Variants in SENP6 observed in about 807,000 individuals in gnomAD.
SENP6 encodes the protein sentrin-specific protease 6.
Under a neutral mutation model 134.5 loss-of-function variants are expected in SENP6, and 41 were observed. The observed-to-expected ratio is 0.30, with a 90% CI of 0.24 to 0.40. The LOEUF is 0.40. Ranked by LOEUF, SENP6 falls within the 10% of genes least tolerant of loss-of-function variation. The pLI, the probability that SENP6 is intolerant of heterozygous loss-of-function variation, is 1.00. For synonymous variants in SENP6, 395 were observed against 429.8 expected (o/e 0.92, Z 1.00); for missense variants, 1,248 against 1,312.5 (o/e 0.95, Z 0.76).
chr6:75,638,622 ATTTTTTT>A (rs57353168), intron 5 of SENP6, among the ~76,000 whole-genome samples: 29 of 29,874 alleles, frequency 9.7e-4, no homozygotes, highest in Admixed American at 1.7e-3. Context: ...ATATATATAT[ATTTTTTT>A]TTTTTTTTTT....
chr6:75,620,290 T>A (rs908605722), intron 1 of SENP6, among the ~76,000 whole-genome samples: 2 of 152,148 alleles, frequency 1.3e-5, no homozygotes, highest in African/African-American at 4.8e-5. Flanking sequence ...CTCTTATGAT[T>A]AGGGATTTCC....
intron 21 of SENP6, 59 bp from the exon 22 acceptor site, chr6:75,713,454 C>A: frequency 7.5e-7 from 1 of 1,341,888 alleles, no homozygotes; most frequent in South Asian, 1.2e-5. Context: ...CACTTTTAAT[C>A]CTTTTATGCA....
chr6:75,630,068 CT>C (rs35109678), intron 3 of SENP6, among the ~76,000 whole-genome samples: 13,987 of 139,358 alleles, frequency 0.1, 590 homozygotes, highest in Non-Finnish European at 0.11. Context: ...CTTGTGATAA[CT>C]TTTTTTTTTT....
rs775951261 is a variant in SENP6, at chr6:75,709,671, T to G, written c.2820+41T>G. ...TGGCAAAAAGTTCTAATGTTTTATC[T>G]AATTAAAAGTTTTTCTTGCTGAACA... On this transcript the variant is annotated intron_variant, in intron 20 of 23. Transcript: ENST00000447266. 2.1e-6 allele frequency: 3 copies of G among 1,463,346 alleles called. No homozygotes were observed. In the Admixed American group the frequency reaches 5.0e-5, roughly 25 times the overall value. The allele number at this position is 1,463,346 out of a possible 1,614,324, so 90.6% of individuals were successfully genotyped here. A position where few individuals can be genotyped will look rare whatever the true frequency, so the allele number is the denominator to read the frequency against.
chr6:75,607,172 C>A (rs975358561), intron 1 of SENP6, among the ~76,000 whole-genome samples: 1 of 151,970 alleles, frequency 6.6e-6, no homozygotes, highest in Non-Finnish European at 1.5e-5. Flanking sequence ...ACATAGTGAG[C>A]CCGTGTCTGT....
In SENP6 at chr6:75,602,550, G is replaced by C. The variant is rs202125150; in HGVS notation, c.26G>C (p.Ser9Thr). ...ATGGCGGCCGGCAAGAGCGGCGGTA[G>C]CGCAGGGGAGATTACTTTTCTGGAA... is the stretch of plus-strand genomic sequence containing the variant. MAAGKSGG[S>T]AGEITFLEAL... Residue 9 changes from serine to threonine, a missense_variant, in exon 1 of 24, where the codon AGC becomes ACC. Transcript: ENST00000447266. The C allele has an allele frequency of 9.0e-6, 14 of 1,551,484 alleles. No individual in the cohort carries two copies. The highest frequency in any genetic ancestry group is 5.5e-5 in the African/African-American group (4 of 73,072).
intron 1 of SENP6, among the ~76,000 whole-genome samples, chr6:75,613,111 C>CT (rs1767585864): frequency 7.6e-6 from 1 of 131,700 alleles, no homozygotes; most frequent in Admixed American, 7.2e-5. Context: ...GAGATTCTGT[C>CT]TTTAAAAAAA....
intron 16 of SENP6, among the ~76,000 whole-genome samples, chr6:75,692,735 A>T (rs2149892361): frequency 6.6e-6 from 1 of 150,628 alleles, no homozygotes; most frequent in Middle Eastern, 3.4e-3. Context: ...TCCTCCCCGC[A>T]TCCCACTCCT....
In SENP6 at chr6:75,629,888, C is replaced by G. The variant is rs1206921599; in HGVS notation, c.208-3693C>G. 2.0e-5 allele frequency among the ~76,000 whole-genome samples: 3 copies of G among 152,012 alleles called. No individual in the cohort carries two copies. The East Asian group carries it at 5.8e-4, about 29-fold the overall frequency. On this transcript the variant is annotated intron_variant, in intron 3 of 23. Coordinates refer to ENST00000447266, the MANE Select transcript of SENP6 (RefSeq NM_015571.4). Reference sequence around the variant, plus strand: ...TCTCCCACATGTATGCTTTGATTAGCAGCAGATATGAGTGAGTTTTTTAAG... The same window carrying G: ...TCTCCCACATGTATGCTTTGATTAGGAGCAGATATGAGTGAGTTTTTTAAG...
intron 2 of SENP6, 32 bp downstream of exon 2, chr6:75,621,657 T>C: frequency 1.5e-6 from 2 of 1,337,738 alleles, no homozygotes; most frequent in Non-Finnish European, 2.1e-6. Flanking sequence ...AGATGTTTTA[T>C]AAGAATAAAA....
At chr6:75,668,524 T>G (rs1442594818) in intron 10 of SENP6, among the ~76,000 whole-genome samples, 1 of 151,974 alleles carries the variant, frequency 6.6e-6, no homozygotes, top group Non-Finnish European at 1.5e-5. Context: ...GTAGTGAAAA[T>G]GAAATTAAAA....
At chr6:75,604,854 C>T (rs1766912210) in intron 1 of SENP6, among the ~76,000 whole-genome samples, 1 of 152,060 alleles carries the variant, frequency 6.6e-6, no homozygotes, top group Non-Finnish European at 1.5e-5. Flanking sequence ...GAACGGATCA[C>T]CTGAGGTCAG....
intron 19 of SENP6, among the ~76,000 whole-genome samples, chr6:75,703,305 A>T (rs1463502225): frequency 2.0e-5 from 3 of 152,240 alleles, no homozygotes; most frequent in Middle Eastern, 3.4e-3. Flanking sequence ...AAAAAAAATA[A>T]ATAGAAAATT....
At chr6:75,682,712 A>G (rs1159310916) in intron 16 of SENP6, among the ~76,000 whole-genome samples, 1 of 152,160 alleles carries the variant, frequency 6.6e-6, no homozygotes, top group Non-Finnish European at 1.5e-5. Flanking sequence ...AGCTTCATCC[A>G]TGTCCCTGCA....
At chr6:75,666,129 A>C (rs1311391721) in intron 9 of SENP6, among the ~76,000 whole-genome samples, 1 of 138,340 alleles carries the variant, frequency 7.2e-6, no homozygotes, top group Non-Finnish European at 1.5e-5. Flanking sequence ...TATATATAAA[A>C]CGTATATATG....
chr6:75,707,033 A>G (rs1355588867), intron 19 of SENP6, among the ~76,000 whole-genome samples: 1 of 152,206 alleles, frequency 6.6e-6, no homozygotes, highest in African/African-American at 2.4e-5. Flanking sequence ...CCACTGATCA[A>G]GTCATCACCT....
At chr6:75,681,271 G>C (rs1477517211) in intron 16 of SENP6, among the ~76,000 whole-genome samples, 1 of 152,042 alleles carries the variant, frequency 6.6e-6, no homozygotes, top group African/African-American at 2.4e-5. Context: ...GTTTATAAAA[G>C]TGTGTAGCAC....
At chr6:75,659,551 C>G in intron 8 of SENP6, 144 bp downstream of exon 8, 4 of 645,462 alleles carry the variant, frequency 6.2e-6, no homozygotes, top group Non-Finnish European at 7.7e-6. Context: ...TTTCTGCCTT[C>G]AGTAGACCAT....
In SENP6 at chr6:75,717,100, A is replaced by G. The variant is rs983145729; in HGVS notation, c.*1506A>G. The stretch of plus-strand genomic sequence containing the variant: ...TATTTCTGATTAACTCTTTATAGTA[A>G]TAACTTAGAGCTGTTAGCTCAGATA... On this transcript the variant is annotated 3_prime_UTR_variant, in exon 24 of 24. Coordinates refer to ENST00000447266, the MANE Select transcript of SENP6 (RefSeq NM_015571.4). The G allele has an allele frequency of 3.3e-5, 5 of 152,006 alleles. No individual in the cohort carries two copies. The highest frequency in any genetic ancestry group is 9.6e-5 in the African/African-American group (4 of 41,464). The allele number at this position is 152,006 out of a possible 1,614,324, so 9.4% of individuals were successfully genotyped here.
Sources: allele counts gnomAD v4.1 joint callset (sites outside exome capture counted in the v4.1 genomes callset), GRCh38; gene constraint gnomAD v4.1.1; transcripts MANE v1.5; gene names NCBI Gene and HGNC (gene_info 2026-07-23, HGNC 2026-07-21).